TMEM209: variants seen among roughly 807,000 people sequenced by gnomAD.
TMEM209 encodes the protein transmembrane protein 209.
Under a neutral mutation model 76.2 loss-of-function variants are expected in TMEM209, and 65 were observed. That is an observed-to-expected ratio of 0.85 (90% CI 0.70 to 1.05). The LOEUF (loss-of-function observed/expected upper bound fraction) is 1.05. Ranked by LOEUF, TMEM209 falls within the 50% of genes least tolerant of loss-of-function variation. TMEM209 has a pLI of 0.00. For synonymous variants in TMEM209, 239 were observed against 237.6 expected (o/e 1.01, Z -0.06); for missense variants, 623 against 685.5 (o/e 0.91, Z 1.02).
chr7:130,174,215 A>G (rs1797166400), intron 11 of TMEM209, among the ~76,000 whole-genome samples: 1 of 152,254 alleles, frequency 6.6e-6, no homozygotes, highest in Admixed American at 6.5e-5. Flanking sequence ...CTCTTAAATC[A>G]TAAAGGAATT....
chr7:130,194,950 TTC>T (rs1354788197), intron 5 of TMEM209, among the ~76,000 whole-genome samples: 4 of 152,274 alleles, frequency 2.6e-5, no homozygotes, highest in Non-Finnish European at 4.4e-5. Flanking sequence ...CCACACAGAT[TTC>T]TCTTTTATTT....
chr7:130,196,015 A>T (rs542927231), intron 5 of TMEM209, among the ~76,000 whole-genome samples: 2 of 152,154 alleles, frequency 1.3e-5, no homozygotes, highest in Non-Finnish European at 2.9e-5. Context: ...CCTGTTTTCT[A>T]ACTCAAGTTT....
chr7:130,183,893 C>G (rs1023968305), intron 8 of TMEM209, among the ~76,000 whole-genome samples: 1 of 152,120 alleles, frequency 6.6e-6, no homozygotes, highest in Non-Finnish European at 1.5e-5. Flanking sequence ...AATAGAAAAG[C>G]TCTTTGGAAA....
chr7:130,181,678 A>T lies in TMEM209; in HGVS notation c.1065T>A (p.Ile355=), dbSNP rs908186075. 3 of 1,611,968 alleles carry T rather than the reference A, an allele frequency of 1.9e-6. No homozygotes were observed. The highest frequency in any genetic ancestry group is 2.5e-6 in the Non-Finnish European group (3 of 1,179,164). ...ETILVPLVQE[I]ESVSTQMRRM... ...GTCTCATCTGTGTGCTGACAGACTC[A>T]ATCTCTTGAACAAGTGGCACTAATA... The change falls in exon 9 of 15, where the codon ATT becomes ATA. Residue 355 remains isoleucine, a synonymous_variant. Coordinates refer to ENST00000397622, the MANE Select transcript of TMEM209 (RefSeq NM_032842.4).
intron 7 of TMEM209, 48 bp downstream of exon 7, chr7:130,185,144 A>G: frequency 6.4e-7 from 1 of 1,556,700 alleles, no homozygotes. Flanking sequence ...AAGACTTTCT[A>G]ACAATGCATA....
chr7:130,200,024 A>T (rs1235083372), intron 5 of TMEM209: 1 of 151,966 alleles, frequency 6.6e-6, no homozygotes, highest in Non-Finnish European at 1.5e-5. Flanking sequence ...TGAGAAAATT[A>T]TCATCTTATA....
chr7:130,178,051 C>A (rs1002694476), intron 10 of TMEM209, among the ~76,000 whole-genome samples: 4 of 152,112 alleles, frequency 2.6e-5, no homozygotes, highest in Admixed American at 6.5e-5. Context: ...CAGGAGAGCA[C>A]ATCTTCCACC....
Position 130,175,517 on chromosome 7 carries a change from A to C in TMEM209, c.1339T>G (p.Ser447Ala), listed in dbSNP as rs1372408001. 6.2e-7 allele frequency: 1 copy of C among 1,611,996 alleles called. No homozygotes were observed. Among genetic ancestry groups the C allele is most frequent in the Non-Finnish European group, 8.5e-7 (1 of 1,179,040 alleles). ...GAAAGAATCTAGGGGCTTACAGCAGAATCGGTGGGCAGGTCTGTATCCCAC... is the reference window on the plus strand; with the variant it reads ...GAAAGAATCTAGGGGCTTACAGCAGCATCGGTGGGCAGGTCTGTATCCCAC... ...RKWDTDLPTDSAIIMHVFCTY... is the reference protein window; with the variant it reads ...RKWDTDLPTDAAIIMHVFCTY... The change falls in exon 11 of 15, where the codon TCT becomes GCT. Residue 447 changes from serine to alanine, a missense_variant. Transcript: ENST00000397622.
intron 1 of TMEM209, 103 bp from the exon 2 acceptor site, chr7:130,204,213 C>CCTT (rs1798337182): frequency 1.1e-5 from 13 of 1,232,870 alleles, no homozygotes. Flanking sequence ...ACCGCATATA[C>CCTT]CTTCTCTCAT....
chr7:130,166,555 G>A, intron 14 of TMEM209, 50 bp from the exon 15 acceptor site: 1 of 1,273,530 alleles, frequency 7.9e-7, no homozygotes, highest in Non-Finnish European at 1.1e-6. Context: ...AAGCATTTAA[G>A]GTCTTTTTCT....
In TMEM209 at chr7:130,201,952, G is replaced by T. The variant is rs1397009397; in HGVS notation, c.471C>A (p.Ser157Arg). 2 of 1,613,952 alleles carry T rather than the reference G, an allele frequency of 1.2e-6. No individual in the cohort carries two copies. Residue 157 changes from serine (S) to arginine (R), a missense_variant, in exon 5 of 15, where the codon AGC becomes AGA. Transcript: ENST00000397622. ...GCTGAGGGCTGTAACCAGTCATACA[G>T]CTGGTGGTGAACTTGGGACTGGTAC... ...SPSTSPKFTT[S>R]CMTGYSPQLQ...
intron 6 of TMEM209, among the ~76,000 whole-genome samples, chr7:130,188,420 C>T (rs913579792): frequency 6.6e-6 from 1 of 151,748 alleles, no homozygotes; most frequent in Non-Finnish European, 1.5e-5. Context: ...CATGGTGAAA[C>T]CCCGTCTCTA....
At chr7:130,188,749 A>G (rs1021170619) in intron 6 of TMEM209, among the ~76,000 whole-genome samples, 3 of 152,198 alleles carry the variant, frequency 2.0e-5, no homozygotes, top group Non-Finnish European at 4.4e-5. Flanking sequence ...TCCAGTTGCT[A>G]TCAACTTAAC....
In TMEM209 at chr7:130,205,360, C is replaced by A. The variant is rs777037493; in HGVS notation, c.3+13G>T. 4.2e-5 allele frequency: 68 copies of A among 1,613,840 alleles called. No individual in the cohort carries two copies. The South Asian group carries it at 6.8e-4, about 16-fold the overall frequency. ...CCAAGACAGGAAGCACAAACACGAC[C>A]CCGAAAACGCACCATGTCCTCTGGC... On this transcript the variant is annotated intron_variant, in intron 1 of 14. Coordinates refer to ENST00000397622, the MANE Select transcript of TMEM209 (RefSeq NM_032842.4).
chr7:130,189,299 C>A (rs1327590636), intron 6 of TMEM209, among the ~76,000 whole-genome samples: 5 of 152,092 alleles, frequency 3.3e-5, no homozygotes, highest in African/African-American at 1.2e-4. Flanking sequence ...CGGATTCAAG[C>A]GATTCTCCTG....
At chr7:130,192,362 TAA>T in intron 6 of TMEM209, 1 of 421,076 alleles carries the variant, frequency 2.4e-6, no homozygotes, top group Non-Finnish European at 4.4e-6. Context: ...GCCTCAACTT[TAA>T]ATAGAAATTG....
At chr7:130,173,177 C>T (rs1797129384) in intron 13 of TMEM209, among the ~76,000 whole-genome samples, 1 of 151,976 alleles carries the variant, frequency 6.6e-6, no homozygotes, top group Admixed American at 6.6e-5. Context: ...GAGACTCTGT[C>T]TCTACAAAAA....
chr7:130,168,691 G>A (rs1166255320), intron 14 of TMEM209, among the ~76,000 whole-genome samples: 2 of 152,128 alleles, frequency 1.3e-5, no homozygotes, highest in African/African-American at 4.8e-5. Context: ...AAAGCCAGGT[G>A]GAGTGGCTTA....
intron 6 of TMEM209, among the ~76,000 whole-genome samples, chr7:130,190,574 TAAAA>T (rs5887464): frequency 1.5e-5 from 2 of 131,822 alleles, no homozygotes; most frequent in African/African-American, 5.5e-5. Context: ...TGTATTACAG[TAAAA>T]AAAAAAAAGG....
Sources: gnomAD v4.1 joint callset for allele counts (sites outside exome capture counted in the v4.1 genomes callset) on GRCh38, gnomAD v4.1.1 for gene constraint, MANE v1.5 for transcripts, NCBI Gene and HGNC (gene_info 2026-07-23, HGNC 2026-07-21) for gene names.